The following SRD5A2 variants were observed in gnomAD, a reference collection of about 807,000 sequenced individuals.
SRD5A2 encodes the protein steroid 5 alpha-reductase 2.
Under a neutral mutation model 27.4 loss-of-function variants are expected in SRD5A2, and 30 were observed. The observed-to-expected ratio is 1.10, with a 90% CI of 0.82 to 1.49. SRD5A2 has a LOEUF of 1.49. Among genes scored for constraint, SRD5A2 ranks in the 40% most tolerant of loss-of-function variants. SRD5A2 has a pLI of 0.00. For missense variants in SRD5A2, 348 were observed against 323.4 expected (o/e 1.08, Z -0.58); for synonymous variants, 141 against 133.6 (o/e 1.06, Z -0.38).
At chr2:31,595,482 C>T in the SRD5A2 span, among the ~76,000 whole-genome samples, 1 of 152,046 alleles carries the variant, frequency 6.6e-6, no homozygotes, top group East Asian at 1.9e-4. Flanking sequence ...TGGCAATATA[C>T]AACCCTCCCA....
In SRD5A2 at chr2:31,529,465, C is replaced by A. The variant is rs778464937; in HGVS notation, c.548-8G>T. 4.3e-6 allele frequency: 7 copies of A among 1,610,888 alleles called. No individual in the cohort carries two copies. In the Admixed American group the frequency reaches 1.0e-4, roughly 23 times the overall value. On this transcript the variant is annotated splice_polypyrimidine_tract_variant and splice_region_variant and intron_variant, in intron 3 of 4. Transcript: ENST00000622030. ...CATACGTAAACAAGCCACCTGCGTG[C>A]AGAAGAATCGGAAGGTCAATCATTG... is the stretch of plus-strand genomic sequence containing the variant.
intron 1 of SRD5A2, among the ~76,000 whole-genome samples, chr2:31,546,958 C>T (rs528999120): frequency 4.6e-5 from 7 of 152,066 alleles, no homozygotes; most frequent in East Asian, 1.9e-4. Flanking sequence ...AGTAGCCAGG[C>T]GTGGTGGCAC....
chr2:31,606,477 G>A, the SRD5A2 span, among the ~76,000 whole-genome samples: 1 of 151,822 alleles, frequency 6.6e-6, no homozygotes, highest in Non-Finnish European at 1.5e-5. Flanking sequence ...TGAAGTCTGG[G>A]GGAGTCTCAA....
the SRD5A2 span, among the ~76,000 whole-genome samples, chr2:31,615,399 T>G: frequency 6.6e-6 from 1 of 152,094 alleles, no homozygotes; most frequent in East Asian, 1.9e-4. Flanking sequence ...CAGATGGAGA[T>G]GAGGAGCTAG....
chr2:31,635,285 T>A, the SRD5A2 span, among the ~76,000 whole-genome samples: 3 of 152,178 alleles, frequency 2.0e-5, no homozygotes, highest in Admixed American at 6.5e-5. Flanking sequence ...TTGATTTGCA[T>A]TTCTCTGATG....
intron 1 of SRD5A2, among the ~76,000 whole-genome samples, chr2:31,569,677 C>CAAAAAAAAAAAAAAAAAAAA (rs11421066): frequency 2.2e-5 from 3 of 138,572 alleles, no homozygotes; most frequent in Non-Finnish European, 3.1e-5. Context: ...AAACAAAAAA[C>CAAAAAAAAAAAAAAAAAAAA]AAAAAAAAAA....
At chr2:31,569,182 C>T (rs1666800316) in intron 1 of SRD5A2, among the ~76,000 whole-genome samples, 1 of 152,232 alleles carries the variant, frequency 6.6e-6, no homozygotes, top group African/African-American at 2.4e-5. Flanking sequence ...CCCAGCCATG[C>T]CTCTAACACT....
Position 31,580,842 on chromosome 2 carries a change from A to C in SRD5A2, c.59T>G (p.Leu20Arg). ...CGCGACGTACAAGGCCAGTGCCCCA[A>C]GGGCGACCAAAGTGGCGCTGCCTGC... The part of the protein sequence containing the change: ...VLAGSATLVA[L>R]GALALYVAKP... Residue 20 changes from leucine (L) to arginine (R), a missense_variant, in exon 1 of 5, where the codon CTT becomes CGT. By Grantham distance (102) the Leu-to-Arg change is moderately radical. Coordinates refer to ENST00000622030, the MANE Select transcript of SRD5A2 (RefSeq NM_000348.4). The C allele has an allele frequency of 6.2e-7, 1 of 1,611,970 alleles. No homozygotes were observed.
chr2:31,562,082 T>C (rs1421082022), intron 1 of SRD5A2, among the ~76,000 whole-genome samples: 1 of 152,150 alleles, frequency 6.6e-6, no homozygotes, highest in Non-Finnish European at 1.5e-5. Context: ...ACAGGCACTT[T>C]CACTGTTGGA....
At chr2:31,566,170 T>C (rs1666724500) in intron 1 of SRD5A2, among the ~76,000 whole-genome samples, 1 of 152,046 alleles carries the variant, frequency 6.6e-6, no homozygotes, top group African/African-American at 2.4e-5. Context: ...ATTAAAATGG[T>C]AACAACATGT....
chr2:31,587,744 T>C, the SRD5A2 span, among the ~76,000 whole-genome samples: 1 of 151,976 alleles, frequency 6.6e-6, no homozygotes, highest in East Asian at 1.9e-4. Context: ...CCAGGACCTG[T>C]CAAGGGGTTG....
chr2:31,634,559 T>G, the SRD5A2 span, among the ~76,000 whole-genome samples: 4 of 152,136 alleles, frequency 2.6e-5, no homozygotes, highest in African/African-American at 9.7e-5. Flanking sequence ...ATAATATTTA[T>G]TTTTTATTTT....
the SRD5A2 span, among the ~76,000 whole-genome samples, chr2:31,588,008 T>C: frequency 1.3e-5 from 2 of 152,070 alleles, no homozygotes; most frequent in Non-Finnish European, 2.9e-5. Flanking sequence ...CATAGCAGAA[T>C]TGATCAAGCA....
At chr2:31,548,347 G>A (rs1666306634) in intron 1 of SRD5A2, among the ~76,000 whole-genome samples, 2 of 152,086 alleles carry the variant, frequency 1.3e-5, no homozygotes, top group Admixed American at 1.3e-4. Flanking sequence ...GCATATATCT[G>A]ACAAGAGATT....
the SRD5A2 span, among the ~76,000 whole-genome samples, chr2:31,605,205 C>T: frequency 1.3e-5 from 2 of 151,870 alleles, no homozygotes; most frequent in Non-Finnish European, 2.9e-5. Context: ...TACAAGAAGA[C>T]ATTGGGGAAA....
intron 1 of SRD5A2, among the ~76,000 whole-genome samples, chr2:31,570,526 A>C (rs1666828973): frequency 6.6e-6 from 1 of 152,182 alleles, no homozygotes; most frequent in East Asian, 1.9e-4. Context: ...TCCTGGCCAG[A>C]GCAATCAGGT....
At chr2:31,535,615 TC>T (rs1432888131) in intron 1 of SRD5A2, among the ~76,000 whole-genome samples, 1 of 152,176 alleles carries the variant, frequency 6.6e-6, no homozygotes, top group Non-Finnish European at 1.5e-5. Flanking sequence ...GTCTGCTGTC[TC>T]CCTCTCCCCT....
At chr2:31,614,885 C>A in the SRD5A2 span, among the ~76,000 whole-genome samples, 1 of 152,112 alleles carries the variant, frequency 6.6e-6, no homozygotes, top group African/African-American at 2.4e-5. Context: ...GGGAGGGACC[C>A]ACTGGGAGAA....
chr2:31,611,428 ATACT>A, the SRD5A2 span, among the ~76,000 whole-genome samples: 14 of 152,230 alleles, frequency 9.2e-5, no homozygotes, highest in Non-Finnish European at 1.6e-4. Flanking sequence ...TTAGAAACAA[ATACT>A]TACAATACAA....
Sources: gnomAD v4.1 joint callset for allele counts (sites outside exome capture counted in the v4.1 genomes callset) on GRCh38, gnomAD v4.1.1 for gene constraint, MANE v1.5 for transcripts, NCBI Gene and HGNC (gene_info 2026-07-23, HGNC 2026-07-21) for gene names.